The following PARG variants were observed in gnomAD, a reference collection of about 807,000 sequenced individuals.
PARG encodes mitochondrial poly(ADP-ribose) glycohydrolase.
A neutral mutation model predicts 113.0 loss-of-function variants in PARG; 35 were observed. That is an observed-to-expected ratio of 0.31 (90% CI 0.24 to 0.41). The LOEUF (loss-of-function observed/expected upper bound fraction) is 0.41. Among genes scored for constraint, PARG ranks in the 10% least tolerant of loss-of-function variants. The probability of loss-of-function intolerance (pLI) is 1.00; values close to 1 mark genes in which losing one functional copy is unlikely to be tolerated. For synonymous variants in PARG, 330 were observed against 409.9 expected, an observed-to-expected ratio of 0.81 and a Z score of 2.36; for missense variants, 797 against 1,169.4, an observed-to-expected ratio of 0.68 and a Z score of 4.64.
At chr10:49,898,923 CTGT>C (rs1848226174) in intron 7 of PARG, among the ~76,000 whole-genome samples, 3 of 152,254 alleles carry the variant, frequency 2.0e-5, no homozygotes, top group South Asian at 2.1e-4. Context: ...TTTCTGCTTT[CTGT>C]TGTTATTTAT....
intron 16 of PARG, 43 bp from the exon 17 acceptor site, chr10:49,820,336 C>A: frequency 6.9e-7 from 1 of 1,457,830 alleles, no homozygotes; most frequent in South Asian, 1.3e-5. Context: ...TGACATTTTC[C>A]ACCTAGATAC....
At chr10:49,845,758 A>G (rs1408339956) in intron 13 of PARG, among the ~76,000 whole-genome samples, 5 of 150,754 alleles carry the variant, frequency 3.3e-5, no homozygotes, top group African/African-American at 1.2e-4. Context: ...TTAGCTGAAC[A>G]TGGTGGCAGG....
chr10:49,934,014 T>C lies in PARG; in HGVS notation c.434A>G (p.Tyr145Cys). ...TGCTGCAGTCTGATGCTGGTTCAAA[T>C]ACTGTGTACTTTTTTCAGTGGGTGA... ...DKSPTEKSTQ[Y>C]LNQHQTAAMC... Residue 145 changes from tyrosine (Y) to cysteine (C), a missense_variant, in exon 3 of 18, where the codon TAT becomes TGT. Around this residue, in one of 5 missense-constraint regions of PARG, gnomAD observed 284 missense variants for 306.1 expected, o/e 0.93. Transcript: ENST00000616448. The C allele has an allele frequency of 1.2e-6, 2 of 1,610,454 alleles. No homozygotes were observed. The highest frequency in any genetic ancestry group is 8.5e-7 in the Non-Finnish European group (1 of 1,176,654).
At chr10:49,884,136 C>T (rs1847347813) in intron 8 of PARG, among the ~76,000 whole-genome samples, 4 of 151,468 alleles carry the variant, frequency 2.6e-5, no homozygotes, top group Admixed American at 2.0e-4. Flanking sequence ...CTCACCGCAA[C>T]CACGAGAGAA....
Position 49,862,316 on chromosome 10 carries a change from T to C in PARG, c.2130-653A>G, listed in dbSNP as rs1554836108. On this transcript the variant is annotated intron_variant, in intron 11 of 17. Transcript: ENST00000616448. ...TATTTGTTAACATTATTTGCCTTAT[T>C]AGATATTTTTCCCCTGATCACTTAC... Among the ~76,000 whole-genome samples, 7 of 151,770 alleles carry C rather than the reference T, an allele frequency of 4.6e-5. No homozygotes were observed. The South Asian group carries it at 1.5e-3, about 32-fold the overall frequency.
At chr10:49,911,814 G>C (rs544089481) in intron 7 of PARG, among the ~76,000 whole-genome samples, 1 of 152,138 alleles carries the variant, frequency 6.6e-6, no homozygotes, top group Non-Finnish European at 1.5e-5. Context: ...AACTCCTCTC[G>C]TTGTAAGGTA....
intron 7 of PARG, among the ~76,000 whole-genome samples, chr10:49,904,012 C>T (rs1328489691): frequency 6.6e-6 from 1 of 151,772 alleles, no homozygotes; most frequent in Non-Finnish European, 1.5e-5. Flanking sequence ...TGAGTCATGA[C>T]GATGGTATGG....
At chr10:49,936,937 T>C (rs1422598882) in intron 1 of PARG, among the ~76,000 whole-genome samples, 1 of 152,212 alleles carries the variant, frequency 6.6e-6, no homozygotes, top group Admixed American at 6.5e-5. Flanking sequence ...CTTTGATTAA[T>C]GTTTCAAAAA....
chr10:49,850,049 A>G (rs1302717026), intron 13 of PARG, among the ~76,000 whole-genome samples: 2 of 148,638 alleles, frequency 1.3e-5, no homozygotes, highest in South Asian at 4.3e-4. Flanking sequence ...TTTTATCTAC[A>G]TTAGCATCTT....
At chr10:49,924,871 A>G (rs1554850237) in intron 4 of PARG, among the ~76,000 whole-genome samples, 1 of 152,210 alleles carries the variant, frequency 6.6e-6, no homozygotes, top group Non-Finnish European at 1.5e-5. Context: ...CATTGTGTAG[A>G]GCAAGGGTCC....
chr10:49,933,744 T>C lies in PARG; in HGVS notation c.704A>G (p.Gln235Arg), dbSNP rs1838608508. The C allele has an allele frequency of 1.2e-6, 2 of 1,612,954 alleles. No individual in the cohort carries two copies. Among genetic ancestry groups the C allele is most frequent in the Non-Finnish European group, 1.7e-6 (2 of 1,179,048 alleles). The part of the protein sequence containing the change: ...DEQAREAKSH[Q>R]KCSKSCDPGE... Reference sequence around the variant, plus strand: ...AGGATCGCAAGACTTGCTGCACTTCTGGTGGCTTTTGGCTTCTCTGGCCTG... The same window carrying C: ...AGGATCGCAAGACTTGCTGCACTTCCGGTGGCTTTTGGCTTCTCTGGCCTG... The change falls in exon 3 of 18, where the codon CAG becomes CGG. Residue 235 changes from glutamine (Q) to arginine (R), a missense_variant. Around this residue, in one of 5 missense-constraint regions of PARG, gnomAD observed 284 missense variants for 306.1 expected, o/e 0.93. Transcript: ENST00000616448.
chr10:49,835,816 C>T (rs1490995184), intron 15 of PARG, among the ~76,000 whole-genome samples: 7 of 152,002 alleles, frequency 4.6e-5, no homozygotes, highest in African/African-American at 1.2e-4. Context: ...TAGACAGTTA[C>T]GTGCCGCATA....
intron 7 of PARG, among the ~76,000 whole-genome samples, chr10:49,914,889 A>C (rs1368501743): frequency 1.3e-5 from 2 of 152,216 alleles, no homozygotes; most frequent in Non-Finnish European, 2.9e-5. Flanking sequence ...CCACATGCAA[A>C]ATAATGAAGT....
chr10:49,831,053 A>T (rs1554830187), intron 16 of PARG, among the ~76,000 whole-genome samples: 2 of 152,160 alleles, frequency 1.3e-5, no homozygotes, highest in East Asian at 1.9e-4. Context: ...TGGATAGTTG[A>T]AAACTATCCA....
intron 7 of PARG, among the ~76,000 whole-genome samples, chr10:49,913,267 T>G (rs1254959216): frequency 6.6e-6 from 1 of 152,218 alleles, no homozygotes; most frequent in Non-Finnish European, 1.5e-5. Flanking sequence ...TTAAGTACAC[T>G]GATAATGACA....
chr10:49,883,783 A>G (rs1331333941), intron 8 of PARG, among the ~76,000 whole-genome samples: 2 of 149,722 alleles, frequency 1.3e-5, no homozygotes, highest in Non-Finnish European at 3.0e-5. Context: ...CCTGGGGGAC[A>G]AGGATGAAAT....
chr10:49,911,737 C>T (rs1194677636), intron 7 of PARG, among the ~76,000 whole-genome samples: 1 of 152,196 alleles, frequency 6.6e-6, no homozygotes, highest in African/African-American at 2.4e-5. Context: ...GGGCACCTTA[C>T]CTCTTGTGCT....
chr10:49,837,622 G>A (rs1283762740), intron 15 of PARG, among the ~76,000 whole-genome samples: 1 of 152,160 alleles, frequency 6.6e-6, no homozygotes, highest in Non-Finnish European at 1.5e-5. Context: ...CTTTAATCTA[G>A]AAGGCCTAAA....
chr10:49,842,434 T>C (rs116234586), intron 14 of PARG, among the ~76,000 whole-genome samples: 299 of 152,346 alleles, frequency 2.0e-3, no homozygotes, highest in African/African-American at 6.9e-3. Flanking sequence ...CAAAGCTCAT[T>C]CCTCCTTTGC....
Sources: allele counts gnomAD v4.1 joint callset (sites outside exome capture counted in the v4.1 genomes callset), GRCh38; gene constraint gnomAD v4.1.1; regional missense constraint gnomAD v4.1.1; transcripts MANE v1.5; gene names NCBI Gene and HGNC (gene_info 2026-07-23, HGNC 2026-07-21).